The following PACS1 variants were observed in gnomAD, a reference collection of about 807,000 sequenced individuals.
The protein encoded by PACS1 is PACS-1.
PACS1 carries 24 observed loss-of-function variants against 115.0 expected under a neutral mutation model. The ratio of observed to expected loss-of-function variants is 0.21; its 90% CI spans 0.15 to 0.29. PACS1 has a LOEUF of 0.29. Ranked by LOEUF, PACS1 falls within the 10% of genes least tolerant of loss-of-function variation. The pLI is 1.00. For missense variants in PACS1, 838 were observed against 1,251.2 expected, an observed-to-expected ratio of 0.67 and a Z score of 4.98; for synonymous variants, 453 against 504.5, an observed-to-expected ratio of 0.90 and a Z score of 1.37.
intron 1 of PACS1, among the ~76,000 whole-genome samples, chr11:66,187,119 G>A (rs1438368921): frequency 2.6e-5 from 4 of 152,072 alleles, no homozygotes; most frequent in African/African-American, 4.8e-5. Flanking sequence ...TCTGTTGGTG[G>A]GTGTGTTGTT....
At chr11:66,111,218 T>C (rs192855656) in intron 1 of PACS1, among the ~76,000 whole-genome samples, 1 of 152,282 alleles carries the variant, frequency 6.6e-6, no homozygotes, top group East Asian at 1.9e-4. Flanking sequence ...ATAGAAAAGG[T>C]ACAGTAAAAA....
intron 4 of PACS1, among the ~76,000 whole-genome samples, chr11:66,212,102 C>A (rs1855084528): frequency 6.6e-6 from 1 of 151,922 alleles, no homozygotes; most frequent in African/African-American, 2.4e-5. Flanking sequence ...TGGTTCCTTT[C>A]CTGGGGATAT....
intron 1 of PACS1, among the ~76,000 whole-genome samples, chr11:66,160,457 TA>T (rs1224777260): frequency 2.0e-5 from 3 of 152,120 alleles, no homozygotes; most frequent in South Asian, 2.1e-4. Flanking sequence ...TTTTCCTGAT[TA>T]AAAAAATTAA....
chr11:66,199,073 T>C (rs748602772), intron 2 of PACS1, among the ~76,000 whole-genome samples: 3 of 152,130 alleles, frequency 2.0e-5, no homozygotes, highest in Non-Finnish European at 2.9e-5. Context: ...CCCAGGACTT[T>C]GGGAGGCCAA....
chr11:66,216,005 G>A, intron 4 of PACS1, 114 bp from the exon 5 acceptor site: 1 of 821,212 alleles, frequency 1.2e-6, no homozygotes, highest in Non-Finnish European at 1.9e-6. Flanking sequence ...TGAAAGTAAG[G>A]AAGAAAACGT....
At chr11:66,213,250 T>C (rs1040650495) in intron 4 of PACS1, among the ~76,000 whole-genome samples, 2 of 152,262 alleles carry the variant, frequency 1.3e-5, no homozygotes, top group Non-Finnish European at 2.9e-5. Context: ...TTGATGGGGC[T>C]GAATCTGCTA....
At chr11:66,075,391 C>A (rs1025755709) in intron 1 of PACS1, among the ~76,000 whole-genome samples, 3 of 152,142 alleles carry the variant, frequency 2.0e-5, no homozygotes, top group African/African-American at 7.2e-5. Flanking sequence ...TAGGCACTTG[C>A]CACCATGCCA....
At chr11:66,085,699 C>T (rs933628812) in intron 1 of PACS1, among the ~76,000 whole-genome samples, 5 of 152,076 alleles carry the variant, frequency 3.3e-5, no homozygotes, top group Admixed American at 3.3e-4. Context: ...CCTGTCATAC[C>T]CTGTGACTCC....
chr11:66,096,502 ATT>A (rs200631152), intron 1 of PACS1, among the ~76,000 whole-genome samples: 8 of 136,814 alleles, frequency 5.8e-5, no homozygotes, highest in Admixed American at 7.3e-5. Context: ...GTTGCTATGA[ATT>A]TTTTTTTTTT....
chr11:66,146,588 G>C (rs966319703), intron 1 of PACS1, among the ~76,000 whole-genome samples: 1 of 152,104 alleles, frequency 6.6e-6, no homozygotes, highest in Non-Finnish European at 1.5e-5. Flanking sequence ...ACATGTCACA[G>C]ACTCCTACAA....
At chr11:66,221,536 C>T (rs1855347200) in intron 10 of PACS1, 7 of 331,412 alleles carry the variant, frequency 2.1e-5, no homozygotes, top group Non-Finnish European at 4.0e-5. Flanking sequence ...GTCCCAGCTA[C>T]TCAGGAGGAT....
chr11:66,161,536 A>G (rs1859488060), intron 1 of PACS1, among the ~76,000 whole-genome samples: 1 of 152,208 alleles, frequency 6.6e-6, no homozygotes, highest in Non-Finnish European at 1.5e-5. Context: ...AGCGGATGGA[A>G]TCTTAGTTCC....
intron 1 of PACS1, among the ~76,000 whole-genome samples, chr11:66,098,404 A>G (rs1857834876): frequency 6.6e-6 from 1 of 151,942 alleles, no homozygotes; most frequent in Admixed American, 6.6e-5. Flanking sequence ...CAGATTTCCA[A>G]ACTGTTCACG....
chr11:66,078,281 G>A (rs149825348), intron 1 of PACS1, among the ~76,000 whole-genome samples: 48 of 152,254 alleles, frequency 3.2e-4, no homozygotes, highest in African/African-American at 1.0e-3. Context: ...TGCTGTGTAT[G>A]TTTTTTAGTG....
chr11:66,172,743 C>T (rs921414065), intron 1 of PACS1, among the ~76,000 whole-genome samples: 2 of 152,002 alleles, frequency 1.3e-5, no homozygotes, highest in African/African-American at 2.4e-5. Context: ...TTTGGGAGGC[C>T]GAGGCAGCCA....
chr11:66,186,478 C>T (rs533181168), intron 1 of PACS1, among the ~76,000 whole-genome samples: 58 of 152,274 alleles, frequency 3.8e-4, no homozygotes, highest in African/African-American at 1.3e-3. Flanking sequence ...CAGCCCTCCC[C>T]GCTCTCCTCT....
At chr11:66,120,792 C>T (rs1175582320) in intron 1 of PACS1, among the ~76,000 whole-genome samples, 34 of 152,182 alleles carry the variant, frequency 2.2e-4, no homozygotes, top group Non-Finnish European at 1.2e-4. Context: ...AGTTTCATGG[C>T]CTCCTACTCT....
At chr11:66,227,714 ACT>A (rs1855495395) in intron 11 of PACS1, 130 bp downstream of exon 11, 1 of 582,950 alleles carries the variant, frequency 1.7e-6, no homozygotes, top group Non-Finnish European at 3.1e-6. Flanking sequence ...AATGTCCTGC[ACT>A]CTCTTTCTCC....
intron 1 of PACS1, among the ~76,000 whole-genome samples, chr11:66,151,455 T>C (rs544478589): frequency 1.5e-3 from 235 of 152,124 alleles, no homozygotes; most frequent in African/African-American, 5.4e-3. Flanking sequence ...TCAGCCTAAA[T>C]CCCTGGCTGT....
Sources: allele counts gnomAD v4.1 joint callset (sites outside exome capture counted in the v4.1 genomes callset), GRCh38; gene constraint gnomAD v4.1.1; transcripts MANE v1.5; gene names NCBI Gene and HGNC (gene_info 2026-07-23, HGNC 2026-07-21).